The following CD2AP variants were observed in gnomAD, a reference collection of about 807,000 sequenced individuals.
CD2AP encodes CD2-associated protein.
CD2AP carries 46 observed loss-of-function variants against 85.1 expected under a neutral mutation model. The observed-to-expected ratio is 0.54, with a 90% CI of 0.43 to 0.69. The LOEUF is 0.69. CD2AP is among the 30% of genes least tolerant of loss of function. CD2AP has a pLI of 0.00. For synonymous variants in CD2AP, 255 were observed against 252.9 expected, an observed-to-expected ratio of 1.01 and a Z score of -0.08; for missense variants, 769 against 729.5, an observed-to-expected ratio of 1.05 and a Z score of -0.62.
chr6:47,599,285 T>C lies in CD2AP; in HGVS notation c.1275-16T>C. The C allele has an allele frequency of 6.2e-7, 1 of 1,610,682 alleles. No homozygotes were observed. Among genetic ancestry groups the C allele is most frequent in the South Asian group, 1.1e-5 (1 of 90,950 alleles). On this transcript the variant is annotated splice_polypyrimidine_tract_variant and intron_variant, in intron 12 of 17. Transcript: ENST00000359314. ...TTTCATACTAGTGATTTTTGCGTGT[T>C]TTTTTCTTATTTCAGGATTAATGGG... is the stretch of plus-strand genomic sequence containing the variant.
At chr6:47,492,791 A>C (rs1765767637) in intron 1 of CD2AP, among the ~76,000 whole-genome samples, 1 of 152,086 alleles carries the variant, frequency 6.6e-6, no homozygotes, top group South Asian at 2.1e-4. Context: ...GATGTTTTCA[A>C]ATAACAGTTT....
chr6:47,486,195 A>C (rs1765560195), intron 1 of CD2AP, among the ~76,000 whole-genome samples: 1 of 152,136 alleles, frequency 6.6e-6, no homozygotes, highest in Admixed American at 6.6e-5. Context: ...AGGATAAATA[A>C]AAGTTTTGGT....
intron 1 of CD2AP, among the ~76,000 whole-genome samples, chr6:47,488,637 A>G (rs1442581405): frequency 6.6e-6 from 1 of 150,896 alleles, no homozygotes; most frequent in Admixed American, 6.6e-5. Context: ...ATATTTTTTG[A>G]TTATAAGAAT....
chr6:47,480,324 C>G (rs569317348), intron 1 of CD2AP, among the ~76,000 whole-genome samples: 1 of 152,036 alleles, frequency 6.6e-6, no homozygotes, highest in Non-Finnish European at 1.5e-5. Context: ...TTTTACCAGC[C>G]ATCCTTTTTT....
At chr6:47,616,689 C>A (rs1769596651) in intron 17 of CD2AP, among the ~76,000 whole-genome samples, 1 of 152,310 alleles carries the variant, frequency 6.6e-6, no homozygotes, top group Non-Finnish European at 1.5e-5. Flanking sequence ...GTTACTTTCT[C>A]TTTTCACTTG....
intron 2 of CD2AP, among the ~76,000 whole-genome samples, chr6:47,506,986 A>G (rs944427432): frequency 7.2e-5 from 11 of 152,218 alleles, no homozygotes; most frequent in Admixed American, 3.3e-4. Flanking sequence ...TCAAAATTGT[A>G]GTCAGTCGTT....
At chr6:47,588,727 T>C (rs1768695686) in intron 11 of CD2AP, among the ~76,000 whole-genome samples, 1 of 152,092 alleles carries the variant, frequency 6.6e-6, no homozygotes, top group Non-Finnish European at 1.5e-5. Flanking sequence ...CCATCCTCAG[T>C]GTACACTTTA....
In CD2AP at chr6:47,608,116, C is replaced by T. The variant is rs1250470122; in HGVS notation, c.1632+88C>T. On this transcript the variant is annotated intron_variant, in intron 15 of 17. Coordinates refer to ENST00000359314, the MANE Select transcript of CD2AP (RefSeq NM_012120.3). ...AGGGAATTTAAGGTGTTCTTTAGGACGAATTATTTTTTCTGCCAAGAAATG... is the reference window on the plus strand; with the variant it reads ...AGGGAATTTAAGGTGTTCTTTAGGATGAATTATTTTTTCTGCCAAGAAATG... 3.6e-5 allele frequency: 33 copies of T among 923,642 alleles called. 1 individual carries two copies. Among genetic ancestry groups the T allele is most frequent in the South Asian group, 3.2e-4 (23 of 71,846 alleles). The allele number at this position is 923,642 out of a possible 1,614,324, so 57.2% of individuals were successfully genotyped here.
At chr6:47,579,363 A>G (rs1267384454) in intron 8 of CD2AP, 22 bp from the exon 9 acceptor site, 1 of 1,270,210 alleles carries the variant, frequency 7.9e-7, no homozygotes, top group Non-Finnish European at 1.2e-6. Flanking sequence ...TATTGTCTTA[A>G]TTATTCTATT....
At chr6:47,599,904 T>G (rs903068817) in intron 13 of CD2AP, among the ~76,000 whole-genome samples, 4 of 152,000 alleles carry the variant, frequency 2.6e-5, no homozygotes, top group South Asian at 2.1e-4. Context: ...CTAACCCTTT[T>G]GCTAATTTTT....
chr6:47,547,371 A>G (rs1562026052), intron 4 of CD2AP, among the ~76,000 whole-genome samples: 1 of 152,166 alleles, frequency 6.6e-6, no homozygotes, highest in Non-Finnish European at 1.5e-5. Context: ...GGACAGCAGG[A>G]GTAGCTATGC....
intron 2 of CD2AP, among the ~76,000 whole-genome samples, chr6:47,510,927 G>T (rs1297685280): frequency 6.6e-6 from 1 of 151,942 alleles, no homozygotes; most frequent in Non-Finnish European, 1.5e-5. Context: ...ACAAAAATTA[G>T]CTGGGCATGG....
chr6:47,505,626 A>AC lies in CD2AP; in HGVS notation c.165+2194dup, dbSNP rs1370439585. On this transcript the variant is annotated intron_variant, in intron 2 of 17. Transcript: ENST00000359314. Reference sequence around the variant, plus strand: ...GCGGCTGGCCGGGCGGGGGGGGCTGACCCCCCCCACCTCCCTCCCGGACGG... The same window carrying AC: ...GCGGCTGGCCGGGCGGGGGGGGCTGACCCCCCCCCACCTCCCTCCCGGACGG... 7.7e-3 allele frequency among the ~76,000 whole-genome samples: 571 copies of AC among 74,498 alleles called. 13 individuals are homozygous for AC. Among genetic ancestry groups the AC allele is most frequent in the Admixed American group, 0.014 (89 of 6,160 alleles). The allele number at this position is 74,498 out of a possible 152,430, so 48.9% of individuals were successfully genotyped here. A position where few individuals can be genotyped will look rare whatever the true frequency, so the allele number is the denominator to read the frequency against.
Position 47,624,466 on chromosome 6 carries a change from A to G in CD2AP, c.*239A>G. On this transcript the variant is annotated 3_prime_UTR_variant, in exon 18 of 18. Coordinates refer to ENST00000359314, the MANE Select transcript of CD2AP (RefSeq NM_012120.3). ...GCTGGGATTGCAAACACTTTTTAAA[A>G]AATTGTTTGCTTGAAAATACTACTG... 2 of 469,806 alleles carry G rather than the reference A, an allele frequency of 4.3e-6. No individual in the cohort carries two copies. The highest frequency in any genetic ancestry group is 7.5e-6 in the Non-Finnish European group (2 of 265,436). The allele number at this position is 469,806 out of a possible 1,614,324, so 29.1% of individuals were successfully genotyped here.
chr6:47,581,981 G>A, intron 10 of CD2AP, 22 bp from the exon 11 acceptor site: 1 of 1,520,178 alleles, frequency 6.6e-7, no homozygotes, highest in Non-Finnish European at 9.1e-7. Flanking sequence ...TCTTAAAAAA[G>A]TATTAATGTT....
chr6:47,490,090 C>A (rs1032769331), intron 1 of CD2AP, among the ~76,000 whole-genome samples: 1 of 151,662 alleles, frequency 6.6e-6, no homozygotes, highest in Admixed American at 6.6e-5. Context: ...ATCCTTCCAC[C>A]TTAGTCTCCT....
chr6:47,520,580 T>G (rs1214036520), intron 2 of CD2AP, among the ~76,000 whole-genome samples: 1 of 152,052 alleles, frequency 6.6e-6, no homozygotes, highest in Non-Finnish European at 1.5e-5. Flanking sequence ...ATACTGGGCC[T>G]TTTCTGGTAA....
chr6:47,509,621 T>G (rs1457452883), intron 2 of CD2AP, among the ~76,000 whole-genome samples: 1 of 152,196 alleles, frequency 6.6e-6, no homozygotes, highest in Admixed American at 6.5e-5. Flanking sequence ...ATTTTTTGTT[T>G]TATGAATTTA....
At chr6:47,622,085 G>A (rs1769760844) in intron 17 of CD2AP, among the ~76,000 whole-genome samples, 1 of 152,170 alleles carries the variant, frequency 6.6e-6, no homozygotes, top group African/African-American at 2.4e-5. Context: ...GAGGAATATG[G>A]CTGCCTATGC....
Sources: allele counts gnomAD v4.1 joint callset (sites outside exome capture counted in the v4.1 genomes callset), GRCh38; gene constraint gnomAD v4.1.1; transcripts MANE v1.5; gene names NCBI Gene and HGNC (gene_info 2026-07-23, HGNC 2026-07-21).